The following SLC43A1 variants were observed in gnomAD, a reference collection of about 807,000 sequenced individuals.
The protein encoded by SLC43A1 is solute carrier family 43 member 1, also known as large neutral amino acids transporter small subunit 3.
Under a neutral mutation model 59.5 loss-of-function variants are expected in SLC43A1, and 31 were observed. The observed-to-expected ratio is 0.52, with a 90% CI of 0.39 to 0.70. The LOEUF (loss-of-function observed/expected upper bound fraction) is 0.70, where lower values mean the gene tolerates loss of function less well. Among genes scored for constraint, SLC43A1 ranks in the 30% least tolerant of loss-of-function variants. SLC43A1 has a pLI of 0.00. For missense variants in SLC43A1, 598 were observed against 717.8 expected, an observed-to-expected ratio of 0.83 and a Z score of 1.91; for synonymous variants, 259 against 290.9, an observed-to-expected ratio of 0.89 and a Z score of 1.12.
At chr11:57,497,416 G>C (rs972107617) in intron 6 of SLC43A1, among the ~76,000 whole-genome samples, 7 of 152,358 alleles carry the variant, frequency 4.6e-5, no homozygotes, top group Admixed American at 1.3e-4. Context: ...AAGCCAGAGA[G>C]TCAGGGACCT....
rs1459658687 is a variant in SLC43A1 at position 57,507,025 on chromosome 11, A to G, written c.155-5696T>C. On this transcript the variant is annotated intron_variant, in intron 2 of 14. Coordinates refer to ENST00000278426, the MANE Select transcript of SLC43A1 (RefSeq NM_003627.6). ...GTAACCCCAAAGTTGATACTAGTGA[A>G]TGCTTCAATAATGAGTTCCAGGCCA... Among the ~76,000 whole-genome samples the G allele has an allele frequency of 2.0e-5, 3 of 152,154 alleles. No homozygotes were observed. In the East Asian group the frequency reaches 5.8e-4, roughly 29 times the overall value.
Position 57,485,014 on chromosome 11 carries a change from A to G in SLC43A1, c.*82T>C. On this transcript the variant is annotated 3_prime_UTR_variant, in exon 15 of 15. Transcript: ENST00000278426. ...GGCCATGGCTCTATGTGCATGTTAC[A>G]GGTAGAAAAGCCATATGGGGCACTC... The G allele has an allele frequency of 1.4e-6, 2 of 1,421,216 alleles. No individual in the cohort carries two copies. The highest frequency in any genetic ancestry group is 1.4e-5 in the South Asian group (1 of 70,696). The allele number at this position is 1,421,216 out of a possible 1,614,324, so 88.0% of individuals were successfully genotyped here.
intron 2 of SLC43A1, among the ~76,000 whole-genome samples, chr11:57,512,858 G>A (rs1171808194): frequency 2.0e-5 from 3 of 152,118 alleles, no homozygotes; most frequent in African/African-American, 7.2e-5. Context: ...GATAACCATG[G>A]CTGGATGCGG....
chr11:57,498,493 C>T (rs1198681865), intron 5 of SLC43A1, among the ~76,000 whole-genome samples: 4 of 152,062 alleles, frequency 2.6e-5, no homozygotes, highest in Admixed American at 2.6e-4. Flanking sequence ...CTTGTCCAAC[C>T]CATTTGAGAT....
At chr11:57,497,910 C>A in intron 5 of SLC43A1, 65 bp from the exon 6 acceptor site, 1 of 1,240,864 alleles carries the variant, frequency 8.1e-7, no homozygotes. Flanking sequence ...ATTCCCAGCC[C>A]TGCTCCATAC....
intron 11 of SLC43A1, 21 bp from the exon 12 acceptor site, chr11:57,489,413 C>T (rs1255013887): frequency 2.2e-5 from 36 of 1,613,094 alleles, no homozygotes; most frequent in Non-Finnish European, 3.0e-5. Flanking sequence ...CGGGAAGTCA[C>T]TGGCTGCTGC....
intron 13 of SLC43A1, among the ~76,000 whole-genome samples, chr11:57,487,899 A>G (rs956820737): frequency 6.6e-6 from 1 of 152,140 alleles, no homozygotes; most frequent in Non-Finnish European, 1.5e-5. Flanking sequence ...AGCAGGGAAC[A>G]CACTTGAGAC....
In SLC43A1 at chr11:57,488,970, T is replaced by C. The variant is rs753123785; in HGVS notation, c.1355A>G (p.His452Arg). ...GTGGAAGAAACCTCGAACAATGGTG[T>C]GCAGGACAAAGGTCACAAACTAAAA... ...LHLQFVTFVL[H>R]TIVRGFFHSA... The change falls in exon 13 of 15, where the codon CAC (histidine) becomes CGC (arginine). Residue 452 changes from histidine (H) to arginine (R), a missense_variant. Transcript: ENST00000278426. The C allele has an allele frequency of 1.2e-6, 2 of 1,614,144 alleles. No homozygotes were observed. The highest frequency in any genetic ancestry group is 3.3e-5 in the Admixed American group (2 of 60,028).
intron 5 of SLC43A1, among the ~76,000 whole-genome samples, chr11:57,498,695 A>G (rs1033462526): frequency 3.3e-5 from 5 of 152,146 alleles, no homozygotes; most frequent in African/African-American, 4.8e-5. Context: ...GACAAATCAC[A>G]TCCTGGGAGG....
rs2135241510 is a variant in SLC43A1, at chr11:57,515,539, G to A, written c.-109C>T. The A allele has an allele frequency of 6.6e-6, 1 of 152,368 alleles. No homozygotes were observed. Among genetic ancestry groups the A allele is most frequent in the Admixed American group, 6.5e-5 (1 of 15,312 alleles). The allele number at this position is 152,368 out of a possible 1,614,324, so 9.4% of individuals were successfully genotyped here. ...TCCGGAGTCCCGTGGGCCCAGCCCTGAGCCGCGCCGGCGCTGGGGTCTTCT... is the reference window on the plus strand; with the variant it reads ...TCCGGAGTCCCGTGGGCCCAGCCCTAAGCCGCGCCGGCGCTGGGGTCTTCT... On this transcript the variant is annotated 5_prime_UTR_variant, in exon 1 of 15. Coordinates refer to ENST00000278426, the MANE Select transcript of SLC43A1 (RefSeq NM_003627.6). This position sits in a 1 kb window ranked among gnomAD's most constrained non-coding sequence, Gnocchi z 5.3.
Position 57,491,830 on chromosome 11 carries a change from G to A in SLC43A1, c.904C>T (p.Pro302Ser). The change falls in exon 9 of 15, where the codon CCC becomes TCC. Residue 302 changes from proline to serine, a missense_variant. Coordinates refer to ENST00000278426, the MANE Select transcript of SLC43A1 (RefSeq NM_003627.6). ...SVPLRKSLCS[P>S]TFLWSLLTMG... is the part of the protein sequence containing the mutation. ...GTGAGGAGGCTCCACAGGAAAGTGG[G>A]GGAGCAGAGGCTCTTGCGTAAGGGG... 6.2e-7 allele frequency: 1 copy of A among 1,614,174 alleles called. No homozygotes were observed. Among genetic ancestry groups the A allele is most frequent in the Non-Finnish European group, 8.5e-7 (1 of 1,180,000 alleles).
chr11:57,489,948 C>A (rs911639973), intron 11 of SLC43A1, among the ~76,000 whole-genome samples: 2 of 152,150 alleles, frequency 1.3e-5, no homozygotes, highest in Admixed American at 6.5e-5. Flanking sequence ...GGGGTGAGGA[C>A]AGGCGGCCCA....
chr11:57,503,693 A>G (rs987348579), intron 2 of SLC43A1, among the ~76,000 whole-genome samples: 2 of 152,154 alleles, frequency 1.3e-5, no homozygotes, highest in Non-Finnish European at 2.9e-5. Context: ...ATACAACAGC[A>G]CTGTGCTGGG....
At position 57,515,446 on chromosome 11, in the gene SLC43A1, C is replaced by T. The variant is rs1160333405; in HGVS notation, c.-16G>A. The T allele has an allele frequency of 6.6e-6, 1 of 152,306 alleles. No homozygotes were observed. The highest frequency in any genetic ancestry group is 1.5e-5 in the Non-Finnish European group (1 of 68,110). 9.4% of individuals were successfully genotyped at this position (152,306 alleles called of 1,614,324 possible). On this transcript the variant is annotated splice_region_variant and 5_prime_UTR_variant, in exon 1 of 15. Coordinates refer to ENST00000278426, the MANE Select transcript of SLC43A1 (RefSeq NM_003627.6). The surrounding 1 kb of genome is among the most constrained non-coding windows in gnomAD (Gnocchi z 5.3). The stretch of plus-strand genomic sequence containing the variant: ...CCCTCCCCGCCCACGCTGCTCACCT[C>T]CGGTCACCGGCAAATGAGCAGCCAG...
At position 57,497,685 on chromosome 11, in the gene SLC43A1, G is replaced by C. The variant is rs1348257827; in HGVS notation, c.558+68C>G. 5.7e-6 allele frequency: 7 copies of C among 1,225,636 alleles called. No homozygotes were observed. The East Asian group carries it at 1.7e-4, about 29-fold the overall frequency. 75.9% of individuals were successfully genotyped at this position (1,225,636 alleles called of 1,614,324 possible). ...AAGTCAGACCCGTGGGTCAGCACTA[G>C]CTGCTGCTCACTCGGCCCCACCCGG... is the stretch of plus-strand genomic sequence containing the variant. On this transcript the variant is annotated intron_variant, in intron 6 of 14. Transcript: ENST00000278426.
At position 57,492,536 on chromosome 11, in the gene SLC43A1, G is replaced by GTATA. The variant is rs71061509; in HGVS notation, c.872-678_872-675dup. On this transcript the variant is annotated intron_variant, in intron 8 of 14. Transcript: ENST00000278426. The stretch of plus-strand genomic sequence containing the variant: ...AATAATATAATATATATAATTTTGT[G>GTATA]TATATATATATATATATATATATAT... 4.6e-3 allele frequency among the ~76,000 whole-genome samples: 365 copies of GTATA among 79,800 alleles called. 4 individuals carry two copies. The highest frequency in any genetic ancestry group is 0.017 in the African/African-American group (303 of 17,790). 52.4% of individuals were successfully genotyped at this position (79,800 alleles called of 152,430 possible).
At chr11:57,496,230 C>T in intron 6 of SLC43A1, 66 bp from the exon 7 acceptor site, 1 of 1,579,784 alleles carries the variant, frequency 6.3e-7, no homozygotes, top group South Asian at 1.2e-5. Flanking sequence ...AAGGTAGATC[C>T]CAGGCCTCAG....
Position 57,489,393 on chromosome 11 carries a change from C to T in SLC43A1, c.1194-1G>A. On this transcript the variant is annotated splice_acceptor_variant, in intron 11 of 14. Coordinates refer to ENST00000278426, the MANE Select transcript of SLC43A1 (RefSeq NM_003627.6). LOFTEE classifies it high-confidence loss of function. ...GATGGATTTGGTAGCAACCCCGTCC[C>T]TGAGGAGTACGGGAAGTCACTGGCT... 1 of 1,614,092 alleles carries T rather than the reference C, an allele frequency of 6.2e-7. No individual in the cohort carries two copies. Among genetic ancestry groups the T allele is most frequent in the Non-Finnish European group, 8.5e-7 (1 of 1,179,972 alleles).
At chr11:57,500,923 G>A in intron 4 of SLC43A1, 65 bp downstream of exon 4, 1 of 1,600,552 alleles carries the variant, frequency 6.2e-7, no homozygotes, top group Non-Finnish European at 8.5e-7. Context: ...GGGAGCTGGG[G>A]TAAACATCCG....
Sources: allele counts gnomAD v4.1 joint callset (sites outside exome capture counted in the v4.1 genomes callset), GRCh38; gene constraint gnomAD v4.1.1; non-coding constraint Gnocchi (gnomAD v3.1); transcripts MANE v1.5; gene names NCBI Gene and HGNC (gene_info 2026-07-23, HGNC 2026-07-21).